RAPGEF2: variants seen among roughly 807,000 people sequenced by gnomAD.
RAPGEF2 encodes Rap guanine nucleotide exchange factor 2.
RAPGEF2 carries 54 observed loss-of-function variants against 186.7 expected under a neutral mutation model. The observed-to-expected ratio is 0.29, with a 90% CI of 0.23 to 0.36. The LOEUF is 0.36. Among genes scored for constraint, RAPGEF2 ranks in the 10% least tolerant of loss-of-function variants. The pLI is 1.00. For synonymous variants in RAPGEF2, 712 were observed against 705.9 expected, an observed-to-expected ratio of 1.01 and a Z score of -0.14; for missense variants, 1,532 against 2,045.0, an observed-to-expected ratio of 0.75 and a Z score of 4.84.
chr4:159,162,358 C>T (rs1005163396), intron 1 of RAPGEF2, among the ~76,000 whole-genome samples: 17 of 148,914 alleles, frequency 1.1e-4, no homozygotes, highest in African/African-American at 4.2e-4. Context: ...GATAACACTG[C>T]ACTCCAGCCT....
intron 11 of RAPGEF2, among the ~76,000 whole-genome samples, chr4:159,325,940 A>G (rs1765865845): frequency 6.6e-6 from 1 of 152,200 alleles, no homozygotes; most frequent in Admixed American, 6.5e-5. Flanking sequence ...ATTAAGATAT[A>G]TAGACTCCTA....
chr4:159,295,915 T>C (rs907766787), intron 7 of RAPGEF2, among the ~76,000 whole-genome samples: 7 of 152,186 alleles, frequency 4.6e-5, no homozygotes, highest in African/African-American at 1.4e-4. Flanking sequence ...ATTTAGTTTA[T>C]TGTTTTTAAA....
At chr4:159,253,968 G>GA (rs1033580077) in intron 7 of RAPGEF2, among the ~76,000 whole-genome samples, 8 of 152,224 alleles carry the variant, frequency 5.3e-5, no homozygotes, top group Admixed American at 2.0e-4. Context: ...GTTTTTCTGT[G>GA]AAAAAAAGGT....
chr4:159,225,640 AC>A (rs997932541), intron 4 of RAPGEF2, among the ~76,000 whole-genome samples: 55 of 152,178 alleles, frequency 3.6e-4, no homozygotes, highest in Admixed American at 3.5e-3. Flanking sequence ...ATCCTTGTCA[AC>A]ACTTGGTGTT....
intron 1 of RAPGEF2, among the ~76,000 whole-genome samples, chr4:159,168,008 A>T (rs1475471433): frequency 6.6e-6 from 1 of 152,260 alleles, no homozygotes; most frequent in Non-Finnish European, 1.5e-5. Context: ...TGAGGCTCAT[A>T]TGTGTAAATA....
At chr4:159,356,264 C>T in intron 29 of RAPGEF2, 106 bp downstream of exon 29, 1 of 1,153,720 alleles carries the variant, frequency 8.7e-7, no homozygotes, top group Non-Finnish European at 1.2e-6. Context: ...CTATGTCTAA[C>T]CATATACTAC....
At chr4:159,240,056 G>A (rs1753772033) in intron 5 of RAPGEF2, among the ~76,000 whole-genome samples, 1 of 152,122 alleles carries the variant, frequency 6.6e-6, no homozygotes, top group East Asian at 1.9e-4. Context: ...ATTTAGGATT[G>A]GGAAGAATGT....
intron 4 of RAPGEF2, among the ~76,000 whole-genome samples, chr4:159,225,611 T>C (rs187687025): frequency 6.6e-6 from 1 of 152,356 alleles, no homozygotes; most frequent in Admixed American, 6.5e-5. Flanking sequence ...TAGCAGTTTA[T>C]GAGACTTGTT....
intron 1 of RAPGEF2, among the ~76,000 whole-genome samples, chr4:159,150,771 A>G (rs1264660505): frequency 1.3e-5 from 2 of 152,220 alleles, no homozygotes; most frequent in Non-Finnish European, 2.9e-5. Context: ...AGGCAAATTC[A>G]CGAATACGGA....
chr4:159,339,468 T>A, intron 19 of RAPGEF2, 114 bp downstream of exon 19: 1 of 1,310,404 alleles, frequency 7.6e-7, no homozygotes, highest in Non-Finnish European at 1.0e-6. Flanking sequence ...TCCCTGCGAT[T>A]AAAAAGTATT....
intron 1 of RAPGEF2, among the ~76,000 whole-genome samples, chr4:159,177,717 C>G (rs1163172097): frequency 6.6e-6 from 1 of 152,160 alleles, no homozygotes; most frequent in Admixed American, 6.5e-5. Context: ...ATGAAACTTG[C>G]AGAACTTCCC....
At chr4:159,185,559 C>T (rs745869100) in intron 1 of RAPGEF2, among the ~76,000 whole-genome samples, 4 of 152,142 alleles carry the variant, frequency 2.6e-5, no homozygotes, top group Admixed American at 2.6e-4. Flanking sequence ...AGGAAGTTGT[C>T]CCCAAAGATC....
chr4:159,194,698 C>T (rs1178950532), intron 3 of RAPGEF2, among the ~76,000 whole-genome samples: 2 of 151,268 alleles, frequency 1.3e-5, no homozygotes, highest in Admixed American at 6.6e-5. Flanking sequence ...TTTTTAACAG[C>T]TTATTTATTT....
At chr4:159,200,816 G>T (rs538568712) in intron 3 of RAPGEF2, among the ~76,000 whole-genome samples, 1 of 152,074 alleles carries the variant, frequency 6.6e-6, no homozygotes, top group Non-Finnish European at 1.5e-5. Flanking sequence ...TTACAATTTA[G>T]AACTTTTAAG....
chr4:159,323,688 AT>A, intron 11 of RAPGEF2, 71 bp downstream of exon 11: 1 of 897,712 alleles, frequency 1.1e-6, no homozygotes. Context: ...TTGTGATGAG[AT>A]TTTTCTCCCT....
intron 7 of RAPGEF2, among the ~76,000 whole-genome samples, chr4:159,299,912 C>A (rs1762449691): frequency 6.6e-6 from 1 of 151,294 alleles, no homozygotes; most frequent in Non-Finnish European, 1.5e-5. Context: ...CAAATGATAC[C>A]AAGGTTTTAT....
intron 4 of RAPGEF2, among the ~76,000 whole-genome samples, chr4:159,224,162 G>A (rs775679758): frequency 6.6e-6 from 1 of 152,198 alleles, no homozygotes; most frequent in Non-Finnish European, 1.5e-5. Context: ...GCCTCCCAAA[G>A]TGCTGGGATT....
intron 19 of RAPGEF2, among the ~76,000 whole-genome samples, chr4:159,340,671 ACACACAC>A (rs1729288904): frequency 7.2e-6 from 1 of 138,238 alleles, no homozygotes; most frequent in African/African-American, 3.0e-5. Context: ...CCATCACCAC[ACACACAC>A]ACACACACAC....
At chr4:159,238,490 T>G (rs1351326883) in intron 4 of RAPGEF2, among the ~76,000 whole-genome samples, 1 of 152,182 alleles carries the variant, frequency 6.6e-6, no homozygotes, top group African/African-American at 2.4e-5. Context: ...TACTGGAATA[T>G]TCTCAAAGTT....
Sources: allele counts gnomAD v4.1 joint callset (sites outside exome capture counted in the v4.1 genomes callset), GRCh38; gene constraint gnomAD v4.1.1; transcripts MANE v1.5; gene names NCBI Gene and HGNC (gene_info 2026-07-23, HGNC 2026-07-21).